The following NBAS variants were observed in gnomAD, a reference collection of about 807,000 sequenced individuals.
NBAS encodes the protein NAG/BC035112 fusion.
A neutral mutation model predicts 302.5 loss-of-function variants in NBAS; 219 were observed. That is an observed-to-expected ratio of 0.72 (90% CI 0.65 to 0.81). The LOEUF (loss-of-function observed/expected upper bound fraction) is 0.81. Ranked by LOEUF, NBAS falls within the 30% of genes least tolerant of loss-of-function variation. The pLI is 0.00. For missense variants in NBAS, 2,932 were observed against 2,841.6 expected (o/e 1.03, Z -0.72); for synonymous variants, 1,118 against 1,021.6 (o/e 1.09, Z -1.80).
intron 44 of NBAS, among the ~76,000 whole-genome samples, chr2:15,265,820 G>C (rs953556220): frequency 4.6e-5 from 7 of 152,104 alleles, no homozygotes; most frequent in Non-Finnish European, 8.8e-5. Context: ...GATAAAAGCA[G>C]GCACCAGGCA....
At chr2:14,905,978 T>C in the NBAS span, among the ~76,000 whole-genome samples, 10,849 of 152,296 alleles carry the variant, frequency 0.071, 571 homozygotes, top group Non-Finnish European at 0.11. Context: ...CGCTTGTCTG[T>C]ACAATATTAT....
chr2:15,478,218 G>A lies in NBAS; in HGVS notation c.1147+8C>T. ...AAGGTTTCAATTATCACATTTCGTAGAACTCACCTTTGATTTTTTTTCTCT... is the reference window on the plus strand; with the variant it reads ...AAGGTTTCAATTATCACATTTCGTAAAACTCACCTTTGATTTTTTTTCTCT... On this transcript the variant is annotated splice_region_variant and intron_variant, in intron 13 of 51. Transcript: ENST00000281513. 1 of 1,569,922 alleles carries A rather than the reference G, an allele frequency of 6.4e-7. No individual in the cohort carries two copies. The highest frequency in any genetic ancestry group is 8.8e-7 in the Non-Finnish European group (1 of 1,139,914).
At chr2:14,996,418 G>A in the NBAS span, among the ~76,000 whole-genome samples, 5 of 152,162 alleles carry the variant, frequency 3.3e-5, no homozygotes, top group African/African-American at 1.2e-4. Context: ...TGGAGTCCCA[G>A]TTTCAGTCCA....
the NBAS span, among the ~76,000 whole-genome samples, chr2:15,123,123 C>A: frequency 1.3e-5 from 2 of 152,184 alleles, no homozygotes; most frequent in African/African-American, 2.4e-5. Flanking sequence ...AGCAGGCTTT[C>A]GTTCTGGCTC....
chr2:15,375,427 C>T (rs111345222), intron 30 of NBAS, among the ~76,000 whole-genome samples: 6 of 152,190 alleles, frequency 3.9e-5, no homozygotes, highest in East Asian at 1.9e-4. Flanking sequence ...ACAGATCAGG[C>T]GGTAACGGGC....
intron 21 of NBAS, among the ~76,000 whole-genome samples, chr2:15,449,591 C>CTT (rs66987265): frequency 4.5e-4 from 68 of 151,684 alleles, no homozygotes; most frequent in Non-Finnish European, 8.8e-4. Context: ...GCCCTGAACC[C>CTT]TTTTTTTTCT....
chr2:15,102,848 C>T, the NBAS span, among the ~76,000 whole-genome samples: 1 of 152,126 alleles, frequency 6.6e-6, no homozygotes, highest in Admixed American at 6.5e-5. Flanking sequence ...AAGAATAATG[C>T]AGTGAAACCC....
chr2:14,830,053 C>G, the NBAS span, among the ~76,000 whole-genome samples: 1 of 152,174 alleles, frequency 6.6e-6, no homozygotes, highest in Non-Finnish European at 1.5e-5. Context: ...TCAGCTGCAT[C>G]ATCTGGGATA....
At chr2:15,340,546 G>A (rs1672799891) in intron 35 of NBAS, among the ~76,000 whole-genome samples, 1 of 152,140 alleles carries the variant, frequency 6.6e-6, no homozygotes, top group African/African-American at 2.4e-5. Flanking sequence ...TAGGTTGGCA[G>A]CTGTACATTC....
intron 33 of NBAS, 133 bp downstream of exon 33, chr2:15,356,170 G>A (rs1438693677): frequency 5.5e-6 from 4 of 733,904 alleles, no homozygotes; most frequent in Non-Finnish European, 1.0e-5. Context: ...ACTTACCAGT[G>A]CTCATAAAAT....
the NBAS span, among the ~76,000 whole-genome samples, chr2:14,985,716 T>C: frequency 2.0e-5 from 3 of 152,330 alleles, no homozygotes; most frequent in South Asian, 6.2e-4. Context: ...GTGGGGTACC[T>C]AATAAAGATA....
chr2:14,854,994 A>T, the NBAS span, among the ~76,000 whole-genome samples: 1 of 152,092 alleles, frequency 6.6e-6, no homozygotes, highest in Non-Finnish European at 1.5e-5. Flanking sequence ...TGCAGAGATC[A>T]TGGTTCCAAA....
chr2:15,461,745 T>C lies in NBAS; in HGVS notation c.2144A>G (p.Glu715Gly). The C allele has an allele frequency of 6.2e-7, 1 of 1,609,386 alleles. No individual in the cohort carries two copies. Among genetic ancestry groups the C allele is most frequent in the Non-Finnish European group, 8.5e-7 (1 of 1,176,492 alleles). ...PHASEQRYDA[E>G]FFKKFRNQNI... ...CTGATTTCTGAATTTCTTAAAGAAT[T>C]CAGCATCATATCTCTGTTCAGATGC... Residue 715 changes from glutamate (E) to glycine (G), a missense_variant, in exon 20 of 52, where the codon GAA becomes GGA. Physicochemically the swap from Glu to Gly is moderately conservative, Grantham distance 98. Coordinates refer to ENST00000281513, the MANE Select transcript of NBAS (RefSeq NM_015909.4).
intron 44 of NBAS, among the ~76,000 whole-genome samples, chr2:15,247,742 A>G (rs1668168714): frequency 6.6e-6 from 1 of 151,252 alleles, no homozygotes; most frequent in South Asian, 2.1e-4. Flanking sequence ...ATAGATCTAT[A>G]TATATTTATA....
the NBAS span, among the ~76,000 whole-genome samples, chr2:14,842,846 C>CA: frequency 0.038 from 2,826 of 73,996 alleles, 37 homozygotes; most frequent in Non-Finnish European, 0.059. Context: ...CAGAAAATGA[C>CA]AAAAAAAAAA....
chr2:15,271,622 T>C (rs1036827764), intron 44 of NBAS, among the ~76,000 whole-genome samples: 3 of 152,220 alleles, frequency 2.0e-5, no homozygotes, highest in African/African-American at 7.2e-5. Flanking sequence ...CTTGACAGCA[T>C]TTCATATGAG....
the NBAS span, among the ~76,000 whole-genome samples, chr2:14,781,667 A>G: frequency 3.3e-5 from 5 of 150,528 alleles, no homozygotes; most frequent in Admixed American, 6.7e-5. Context: ...GCCCCTCATT[A>G]TATGTCCCTG....
At chr2:15,111,751 T>C in the NBAS span, among the ~76,000 whole-genome samples, 4,383 of 151,514 alleles carry the variant, frequency 0.029, 210 homozygotes, top group African/African-American at 0.1. Context: ...TAGATAAAAT[T>C]TGGGGAAGGA....
chr2:14,799,445 T>C, the NBAS span, among the ~76,000 whole-genome samples: 1 of 152,108 alleles, frequency 6.6e-6, no homozygotes, highest in East Asian at 1.9e-4. Flanking sequence ...TGAATCCTTT[T>C]TAATTTATTG....
Sources: allele counts gnomAD v4.1 joint callset (sites outside exome capture counted in the v4.1 genomes callset), GRCh38; gene constraint gnomAD v4.1.1; transcripts MANE v1.5; gene names NCBI Gene and HGNC (gene_info 2026-07-23, HGNC 2026-07-21).